PYCR3: variants seen among roughly 807,000 people sequenced by gnomAD.
PYCR3 encodes the protein P5C reductase 3.
Under a neutral mutation model 23.4 loss-of-function variants are expected in PYCR3, and 26 were observed. That is an observed-to-expected ratio of 1.11 (90% confidence interval 0.81 to 1.54). The LOEUF (loss-of-function observed/expected upper bound fraction) is 1.54, where lower values mean the gene tolerates loss of function less well. Ranked by LOEUF, PYCR3 falls within the 40% of genes most tolerant of loss-of-function variation. PYCR3 has a pLI of 0.00. For synonymous variants in PYCR3, 194 were observed against 162.6 expected (o/e 1.19, Z -1.47); for missense variants, 360 against 376.3 (o/e 0.96, Z 0.36).
chr8:143,609,379 G>A, intron 1 of PYCR3, 79 bp downstream of exon 1: 2 of 1,370,102 alleles, frequency 1.5e-6, no homozygotes, highest in South Asian at 3.2e-5. Context: ...CCGCGCCCCC[G>A]GCCCCACTCT....
At position 143,604,574 on chromosome 8, in the gene PYCR3, C is replaced by G; in HGVS notation, c.*1126G>C. ...TCGCTGAGGGCATGCTCCCGCCTCACCTCCAGAGGCTGTTGGGCGGAAGCC... is the reference window on the plus strand; with the variant it reads ...TCGCTGAGGGCATGCTCCCGCCTCAGCTCCAGAGGCTGTTGGGCGGAAGCC... On this transcript the variant is annotated 3_prime_UTR_variant, in exon 6 of 6. Coordinates refer to ENST00000495276, the MANE Select transcript of PYCR3 (RefSeq NM_023078.6). 3.2e-6 allele frequency: 1 copy of G among 307,788 alleles called. No homozygotes were observed. Among genetic ancestry groups the G allele is most frequent in the South Asian group, 2.7e-5 (1 of 37,138 alleles). The allele number at this position is 307,788 out of a possible 1,614,324, so 19.1% of individuals were successfully genotyped here.
chr8:143,604,707 C>T lies in PYCR3; in HGVS notation c.*993G>A, dbSNP rs1829343496. On this transcript the variant is annotated 3_prime_UTR_variant, in exon 6 of 6. Coordinates refer to ENST00000495276, the MANE Select transcript of PYCR3 (RefSeq NM_023078.6). ...GGCCCGGGCCCTCCCCACCCAAAGG[C>T]CCTAGAACCCTAGCCTTCAATCCTG... 1 of 354,144 alleles carries T rather than the reference C, an allele frequency of 2.8e-6. No homozygotes were observed. Among genetic ancestry groups the T allele is most frequent in the Non-Finnish European group, 5.5e-6 (1 of 181,272 alleles). 21.9% of individuals were successfully genotyped at this position (354,144 alleles called of 1,614,324 possible).
Position 143,608,064 on chromosome 8 carries a change from G to C in PYCR3, c.154C>G (p.Gln52Glu). 6.2e-7 allele frequency: 1 copy of C among 1,611,502 alleles called. No individual in the cohort carries two copies. Among genetic ancestry groups the C allele is most frequent in the Non-Finnish European group, 8.5e-7 (1 of 1,177,684 alleles). Residue 52 changes from glutamine to glutamate, a missense_variant and splice_region_variant, in exon 2 of 6, where the codon CAA (glutamine) becomes GAA (glutamate). Physicochemically the swap from Gln to Glu is conservative, Grantham distance 29. Transcript: ENST00000495276. ...AAGAACCTGGGCTCTATGCTCACTTGAAAGTGACATAGGTTCCTGTCTGTT... is the reference window on the plus strand; with the variant it reads ...AAGAACCTGGGCTCTATGCTCACTTCAAAGTGACATAGGTTCCTGTCTGTT... Reference protein sequence around the residue: ...APTDRNLCHFQALGCRTTHSN... With the variant: ...APTDRNLCHFEALGCRTTHSN...
In PYCR3 at chr8:143,606,653, C is replaced by T; in HGVS notation, c.363G>A (p.Leu121=). The stretch of plus-strand genomic sequence containing the variant: ...CACAGGGCAGGTTGGGCAAGACCCG[C>T]AGCACCCGTGTGTTTGGGGGCAGCA... ...EELLPPNTRV[L]RVLPNLPCVV... is the part of the protein sequence containing the mutation. Residue 121 remains leucine, a synonymous_variant, in exon 4 of 6, where the codon CTG becomes CTA. Coordinates refer to ENST00000495276, the MANE Select transcript of PYCR3 (RefSeq NM_023078.6). 2 of 1,602,832 alleles carry T rather than the reference C, an allele frequency of 1.2e-6. No individual in the cohort carries two copies. The highest frequency in any genetic ancestry group is 2.2e-5 in the South Asian group (2 of 89,810).
At chr8:143,608,033 G>A (rs1367354945) in intron 2 of PYCR3, 29 bp downstream of exon 2, 4 of 1,570,410 alleles carry the variant, frequency 2.5e-6, no homozygotes, top group South Asian at 1.1e-5. Context: ...GGCTCCTGAG[G>A]GTATGAAGAA....
Position 143,606,176 on chromosome 8 carries a change from T to G in PYCR3, c.550-22A>C, listed in dbSNP as rs200952789. Reference sequence around the variant, plus strand: ...ACACCTGTAGCCGCGGCATGGTGGTTGGGGGGGATAGGTGTCAAAGCCTGG... The same window carrying G: ...ACACCTGTAGCCGCGGCATGGTGGTGGGGGGGGATAGGTGTCAAAGCCTGG... On this transcript the variant is annotated intron_variant, in intron 4 of 5. Transcript: ENST00000495276. 1,059 of 1,585,566 alleles carry G rather than the reference T, an allele frequency of 6.7e-4. 3 individuals carry two copies. The African/African-American group carries it at 0.013, about 20-fold the overall frequency.
rs144839168 is a variant in PYCR3 at position 143,604,537 on chromosome 8, C to T, written c.*1163G>A. 1,012 of 288,558 alleles carry T rather than the reference C, an allele frequency of 3.5e-3. 5 individuals are homozygous for T. Among genetic ancestry groups the T allele is most frequent in the Non-Finnish European group, 5.2e-3 (778 of 148,340 alleles). The allele number at this position is 288,558 out of a possible 1,614,324, so 17.9% of individuals were successfully genotyped here. A position where few individuals can be genotyped will look rare whatever the true frequency, so the allele number is the denominator to read the frequency against. ...CACAGGGAGATGGCACAGCAGGACC[C>T]GCCGCCCAGCCTCGCTGAGGGCATG... is the stretch of plus-strand genomic sequence containing the variant. On this transcript the variant is annotated 3_prime_UTR_variant, in exon 6 of 6. Transcript: ENST00000495276.
At chr8:143,607,228 G>C (rs1434297778) in intron 2 of PYCR3, 96 bp from the exon 3 acceptor site, 1 of 1,224,016 alleles carries the variant, frequency 8.2e-7, no homozygotes, top group Non-Finnish European at 1.1e-6. Flanking sequence ...ACGTTCCCAT[G>C]GTCCCAGGGC....
chr8:143,606,181 G>T, intron 4 of PYCR3, 27 bp from the exon 5 acceptor site: 1 of 1,582,906 alleles, frequency 6.3e-7, no homozygotes, highest in Non-Finnish European at 8.6e-7. Context: ...GTGGTTGGGG[G>T]GGATAGGTGT....
rs1255543620 is a variant in PYCR3, at chr8:143,609,537, C to T, written c.12G>A (p.Ala4=). The T allele has an allele frequency of 2.0e-6, 3 of 1,510,936 alleles. No homozygotes were observed. The highest frequency in any genetic ancestry group is 2.7e-5 in the East Asian group (1 of 37,286). The allele number at this position is 1,510,936 out of a possible 1,614,324, so 93.6% of individuals were successfully genotyped here. A position where few individuals can be genotyped will look rare whatever the true frequency, so the allele number is the denominator to read the frequency against. The part of the protein sequence containing the change: MAA[A]EPSPRRVGFV... ...AGCCCACGCGCCGCGGAGACGGCTC[C>T]GCAGCTGCCATCTTGTTGCCTCGGA... The change falls in exon 1 of 6, where the codon GCG becomes GCA. Residue 4 remains alanine (A), a synonymous_variant. Coordinates refer to ENST00000495276, the MANE Select transcript of PYCR3 (RefSeq NM_023078.6).
rs889590008 is a variant in PYCR3 at position 143,606,131 on chromosome 8, C to A, written c.573G>T (p.Leu191=). The A allele has an allele frequency of 1.9e-6, 3 of 1,609,972 alleles. No homozygotes were observed. The highest frequency in any genetic ancestry group is 2.5e-6 in the Non-Finnish European group (3 of 1,178,898). The change falls in exon 5 of 6, where the codon CTG becomes CTT. Residue 191 remains leucine, a synonymous_variant. Transcript: ENST00000495276. ...TGCCCATCTTGACGGCTCCTTCAGC[C>A]AGGGCCTCGGAGAATGCACACACCT... The part of the protein sequence containing the change: ...VAFVCAFSEA[L]AEGAVKMGMP...
rs1366426454 is a variant in PYCR3, at chr8:143,608,113, A to G, written c.105T>C (p.Ala35=). ...QGLIRAGKVE[A]QHILASAPTD... Reference sequence around the variant, plus strand: ...TTGGTGCACTGGCCAGTATGTGCTGAGCTTCCACTTTTCCTGGAAAGAAAG... The same window carrying G: ...TTGGTGCACTGGCCAGTATGTGCTGGGCTTCCACTTTTCCTGGAAAGAAAG... Residue 35 remains alanine (A), a synonymous_variant, in exon 2 of 6, where the codon GCT becomes GCC. Transcript: ENST00000495276. The G allele has an allele frequency of 1.2e-6, 2 of 1,613,588 alleles. No homozygotes were observed. The highest frequency in any genetic ancestry group is 1.7e-6 in the Non-Finnish European group (2 of 1,179,734).
At chr8:143,607,470 GCATA>G (rs1349895700) in intron 2 of PYCR3, among the ~76,000 whole-genome samples, 2 of 150,438 alleles carry the variant, frequency 1.3e-5, no homozygotes, top group Non-Finnish European at 3.0e-5. Context: ...GCACTCACGA[GCATA>G]CATACACATG....
chr8:143,609,344 G>T, intron 1 of PYCR3, 114 bp downstream of exon 1: 1 of 1,214,906 alleles, frequency 8.2e-7, no homozygotes, highest in Non-Finnish European at 1.1e-6. Context: ...TGCGCCCAGC[G>T]GAGCGGAGAC....
At chr8:143,608,615 C>A in intron 1 of PYCR3, 1 of 322,056 alleles carries the variant, frequency 3.1e-6, no homozygotes, top group Non-Finnish European at 6.2e-6. Flanking sequence ...TTGTCGGGTA[C>A]GGGGTGGAAA....
In PYCR3 at chr8:143,606,651, C is replaced by T. The variant is rs746771469; in HGVS notation, c.365G>A (p.Arg122Gln). ...CACACAGGGCAGGTTGGGCAAGACC[C>T]GCAGCACCCGTGTGTTTGGGGGCAG... is the stretch of plus-strand genomic sequence containing the variant. ...ELLPPNTRVLRVLPNLPCVVQ... is the reference protein window; with the variant it reads ...ELLPPNTRVLQVLPNLPCVVQ... Residue 122 changes from arginine (R) to glutamine (Q), a missense_variant, in exon 4 of 6, where the codon CGG becomes CAG. Arg to Gln is a conservative substitution (Grantham distance 43, BLOSUM62 1). Coordinates refer to ENST00000495276, the MANE Select transcript of PYCR3 (RefSeq NM_023078.6). 12 of 1,602,998 alleles carry T rather than the reference C, an allele frequency of 7.5e-6. No homozygotes were observed. Among genetic ancestry groups the T allele is most frequent in the East Asian group, 6.8e-5 (3 of 44,386 alleles).
intron 1 of PYCR3, 62 bp from the exon 2 acceptor site, chr8:143,608,188 G>C: frequency 1.5e-6 from 2 of 1,372,474 alleles, no homozygotes; most frequent in Admixed American, 3.4e-5. Flanking sequence ...GCACGGAGAG[G>C]AGAGGGAGCT....
chr8:143,607,842 CAT>C (rs1829447122), intron 2 of PYCR3, among the ~76,000 whole-genome samples: 1 of 152,206 alleles, frequency 6.6e-6, no homozygotes, highest in Admixed American at 6.5e-5. Context: ...TGCACTCACA[CAT>C]GCATACACAC....
intron 2 of PYCR3, 68 bp downstream of exon 2, chr8:143,607,994 T>C: frequency 8.4e-7 from 1 of 1,191,272 alleles, no homozygotes; most frequent in Middle Eastern, 1.9e-4. Flanking sequence ...ATAAGTGTCT[T>C]AGTGGGACAG....
Sources: allele counts gnomAD v4.1 joint callset (sites outside exome capture counted in the v4.1 genomes callset), GRCh38; gene constraint gnomAD v4.1.1; transcripts MANE v1.5; gene names NCBI Gene and HGNC (gene_info 2026-07-23, HGNC 2026-07-21).